Variants in DST observed in about 807,000 individuals in gnomAD.
DST encodes the protein bullous pemphigoid antigen.
DST carries 253 observed loss-of-function variants against 875.2 expected under a neutral mutation model. The ratio of observed to expected loss-of-function variants is 0.29; its 90% CI spans 0.26 to 0.32. The LOEUF is 0.32. Ranked by LOEUF, DST falls within the 10% of genes least tolerant of loss-of-function variation. DST has a pLI of 1.00. For missense variants in DST, 8,287 were observed against 9,111.6 expected (o/e 0.91, Z 3.68); for synonymous variants, 3,124 against 3,197.1 (o/e 0.98, Z 0.77).
intron 33 of DST, among the ~76,000 whole-genome samples, chr6:56,627,775 C>A (rs1429819785): frequency 6.6e-6 from 1 of 152,168 alleles, no homozygotes; most frequent in African/African-American, 2.4e-5. Context: ...AGTATCCCAA[C>A]ACTCTCCACT....
intron 4 of DST, among the ~76,000 whole-genome samples, chr6:56,797,619 A>G (rs2099741519): frequency 6.6e-6 from 1 of 152,056 alleles, no homozygotes; most frequent in East Asian, 1.9e-4. Context: ...GAATCACCTG[A>G]GGTCAGGAGG....
At chr6:56,631,429 CTG>C in intron 29 of DST, 40 bp from the exon 30 acceptor site, 2 of 1,560,528 alleles carry the variant, frequency 1.3e-6, no homozygotes, top group Non-Finnish European at 1.8e-6. Flanking sequence ...AGGCCATCAC[CTG>C]TGATGAGGTG....
chr6:56,805,142 A>C (rs1232029131), intron 4 of DST, among the ~76,000 whole-genome samples: 1 of 152,146 alleles, frequency 6.6e-6, no homozygotes, highest in Non-Finnish European at 1.5e-5. Context: ...ATAATTCATA[A>C]ATCATGTGCA....
chr6:56,883,637 C>T (rs1300685130), intron 3 of DST, among the ~76,000 whole-genome samples: 2 of 152,056 alleles, frequency 1.3e-5, no homozygotes, highest in Admixed American at 6.5e-5. Context: ...TGTCTTAAAC[C>T]TTTCATTATG....
chr6:56,664,371 C>CA (rs34729330), intron 10 of DST, among the ~76,000 whole-genome samples: 1 of 152,200 alleles, frequency 6.6e-6, no homozygotes, highest in Admixed American at 6.5e-5. Flanking sequence ...TTACCTCTCT[C>CA]AAAAAGAAGT....
At chr6:56,678,524 A>C (rs2099141453) in intron 9 of DST, among the ~76,000 whole-genome samples, 1 of 152,226 alleles carries the variant, frequency 6.6e-6, no homozygotes, top group Non-Finnish European at 1.5e-5. Flanking sequence ...AACTAGAGAA[A>C]AACGAAGAGT....
At chr6:56,792,432 T>C (rs1353200681) in intron 4 of DST, among the ~76,000 whole-genome samples, 1 of 152,182 alleles carries the variant, frequency 6.6e-6, no homozygotes, top group Non-Finnish European at 1.5e-5. Context: ...TCTTTTACAA[T>C]GAAGAGATCT....
intron 69 of DST, among the ~76,000 whole-genome samples, chr6:56,517,924 G>A (rs947813136): frequency 6.6e-6 from 1 of 152,060 alleles, no homozygotes; most frequent in Non-Finnish European, 1.5e-5. Flanking sequence ...TAGGAGTACT[G>A]TCCAAATCTA....
At chr6:56,597,694 A>C (rs1486778568) in intron 47 of DST, 46 bp downstream of exon 47, 1 of 1,564,366 alleles carries the variant, frequency 6.4e-7, no homozygotes, top group African/African-American at 1.4e-5. Flanking sequence ...CTCTTTACCA[A>C]CCTGGAAATA....
chr6:56,771,402 A>C (rs1483526891), intron 4 of DST, among the ~76,000 whole-genome samples: 1 of 152,180 alleles, frequency 6.6e-6, no homozygotes, highest in Non-Finnish European at 1.5e-5. Flanking sequence ...TCTGTCTGTG[A>C]TATAATAGGT....
intron 61 of DST, among the ~76,000 whole-genome samples, chr6:56,547,128 T>C (rs190586270): frequency 6.6e-6 from 1 of 152,316 alleles, no homozygotes; most frequent in East Asian, 1.9e-4. Flanking sequence ...CAAAGTTCCC[T>C]TTTGACAGCC....
intron 33 of DST, among the ~76,000 whole-genome samples, chr6:56,627,514 G>C (rs147421682): frequency 3.0e-4 from 46 of 152,240 alleles, no homozygotes; most frequent in African/African-American, 1.1e-3. Context: ...AAACTCCTTA[G>C]GAATTATCCA....
At chr6:56,893,076 G>A (rs189343102) in intron 3 of DST, among the ~76,000 whole-genome samples, 9 of 152,292 alleles carry the variant, frequency 5.9e-5, no homozygotes, top group African/African-American at 2.2e-4. Flanking sequence ...CTTTAGTGGT[G>A]ATTTGTGAGA....
chr6:56,885,719 A>G (rs1012582534), intron 3 of DST, among the ~76,000 whole-genome samples: 4 of 152,220 alleles, frequency 2.6e-5, no homozygotes, highest in African/African-American at 9.6e-5. Flanking sequence ...ACAAGGTGTC[A>G]TCGCTGAGGA....
intron 36 of DST, chr6:56,615,513 C>T: frequency 6.2e-7 from 1 of 1,613,910 alleles, no homozygotes; most frequent in African/African-American, 1.3e-5. Context: ...TTAAACATGT[C>T]CCATTAGGAA....
At chr6:56,942,115 T>G (rs1816915615) in intron 2 of DST, among the ~76,000 whole-genome samples, 1 of 152,230 alleles carries the variant, frequency 6.6e-6, no homozygotes, top group South Asian at 2.1e-4. Flanking sequence ...TTATCTACTT[T>G]ACCTAATATT....
Position 56,530,009 on chromosome 6 carries a change from C to T in DST, c.17233G>A (p.Ala5745Thr), listed in dbSNP as rs2096867634. 2 of 1,613,140 alleles carry T rather than the reference C, an allele frequency of 1.2e-6. No homozygotes were observed. Among genetic ancestry groups the T allele is most frequent in the Non-Finnish European group, 1.7e-6 (2 of 1,179,654 alleles). The change falls in exon 65 of 104, where the codon GCA becomes ACA. Residue 5745 changes from alanine to threonine, a missense_variant. This residue lies in a region of DST where 777 missense variants were observed against 764.8 expected (regional missense o/e 1.02). Coordinates refer to ENST00000680361, the MANE Select transcript of DST (RefSeq NM_001374736.1). ...GCAATTTGTTCCTCAAGTTTAGATG[C>T]TTGGGTTCCTATGGGTTCACAATTC... ...LVNCEPIGTQ[A>T]SKLEEQIAQH... is the part of the protein sequence containing the mutation.
intron 3 of DST, among the ~76,000 whole-genome samples, chr6:56,856,125 G>A (rs1474459244): frequency 6.6e-6 from 1 of 152,142 alleles, no homozygotes; most frequent in Non-Finnish European, 1.5e-5. Flanking sequence ...ATGGTATAAA[G>A]ACAACCCAAA....
chr6:56,529,271 TAG>T (rs1171877557), intron 66 of DST, among the ~76,000 whole-genome samples, 175 bp downstream of exon 66: 1 of 152,226 alleles, frequency 6.6e-6, no homozygotes, highest in Non-Finnish European at 1.5e-5. Context: ...GCTAATTGGA[TAG>T]AGTCACTCTT....
Sources: gnomAD v4.1 joint callset for allele counts (sites outside exome capture counted in the v4.1 genomes callset) on GRCh38, gnomAD v4.1.1 for gene constraint, gnomAD v4.1.1 regional missense constraint, MANE v1.5 for transcripts, NCBI Gene and HGNC (gene_info 2026-07-23, HGNC 2026-07-21) for gene names.